The following GPM6A variants were observed in gnomAD, a reference collection of about 807,000 sequenced individuals.
GPM6A encodes glycoprotein M6A, also known as neuronal membrane glycoprotein M6-a.
A neutral mutation model predicts 32.1 loss-of-function variants in GPM6A; 7 were observed. The observed-to-expected ratio is 0.22, with a 90% confidence interval of 0.12 to 0.41. The LOEUF (loss-of-function observed/expected upper bound fraction) is 0.41, where lower values mean the gene tolerates loss of function less well. GPM6A is among the 10% of genes least tolerant of loss of function. GPM6A has a pLI of 1.00. For missense variants in GPM6A, 235 were observed against 347.2 expected, an observed-to-expected ratio of 0.68 and a Z score of 2.57; for synonymous variants, 130 against 123.4, an observed-to-expected ratio of 1.05 and a Z score of -0.35.
At chr4:175,833,732 A>C (rs1735683683) in intron 1 of GPM6A, among the ~76,000 whole-genome samples, 3 of 152,088 alleles carry the variant, frequency 2.0e-5, no homozygotes, top group African/African-American at 7.2e-5. Context: ...AGTCATCTGA[A>C]CTTTTCTGCC....
rs373441483 is a variant in GPM6A, at chr4:175,885,393, C to T, written c.-22-73144G>A. 2.4e-3 allele frequency among the ~76,000 whole-genome samples: 363 copies of T among 152,290 alleles called. 18 individuals are homozygous for T. In the South Asian group the frequency reaches 0.072, roughly 30 times the overall value. On this transcript the variant is annotated intron_variant, in intron 1 of 7. Transcript: ENST00000280187. ...TGGGCTGGGATGTCTATGAGGGACA[C>T]CTCTTGCTGGATGATCTCTTGAGCC...
At chr4:175,941,337 T>TA (rs763067554) in intron 1 of GPM6A, among the ~76,000 whole-genome samples, 21 of 152,088 alleles carry the variant, frequency 1.4e-4, no homozygotes, top group African/African-American at 4.8e-4. Context: ...CTTCATCTTT[T>TA]AAAAAAAATT....
chr4:175,848,762 A>T (rs1299966268), intron 1 of GPM6A, among the ~76,000 whole-genome samples: 2 of 152,212 alleles, frequency 1.3e-5, no homozygotes, highest in Admixed American at 1.3e-4. Flanking sequence ...TTTTTAGTAC[A>T]CAATAATAAA....
At chr4:175,674,369 G>A (rs1189323858) in intron 2 of GPM6A, among the ~76,000 whole-genome samples, 5 of 152,196 alleles carry the variant, frequency 3.3e-5, no homozygotes, top group South Asian at 4.1e-4. Flanking sequence ...AAGAGGCAGG[G>A]TTTCACCATG....
intron 1 of GPM6A, among the ~76,000 whole-genome samples, chr4:175,745,093 A>C (rs1398352012): frequency 2.1e-5 from 2 of 93,720 alleles, no homozygotes; most frequent in African/African-American, 6.7e-5. Flanking sequence ...TGAAGATAAG[A>C]AAGAAATACT....
chr4:175,644,223 A>G (rs1326172163), intron 4 of GPM6A, among the ~76,000 whole-genome samples: 1 of 142,396 alleles, frequency 7.0e-6, no homozygotes, highest in Non-Finnish European at 1.5e-5. Flanking sequence ...TCCCGGGTTC[A>G]CGCCATTCTC....
chr4:175,724,299 C>T (rs1188453685), intron 1 of GPM6A, among the ~76,000 whole-genome samples: 2 of 152,220 alleles, frequency 1.3e-5, no homozygotes, highest in Non-Finnish European at 2.9e-5. Context: ...AATCCCAGCA[C>T]TTTGGGAGGC....
rs1487692853 is a variant in GPM6A, at chr4:175,853,228, A to G, written c.-22-40979T>C. Among the ~76,000 whole-genome samples the G allele has an allele frequency of 2.0e-5, 3 of 152,128 alleles. No homozygotes were observed. The East Asian group carries it at 5.8e-4, about 29-fold the overall frequency. On this transcript the variant is annotated intron_variant, in intron 1 of 7. Transcript: ENST00000280187. ...TTTGCTGCTTCTATCCTTAATAACT[A>G]ATACATATTTAGAGTGATTATTTCA...
chr4:175,741,262 C>T (rs534907321), intron 1 of GPM6A, among the ~76,000 whole-genome samples: 4 of 152,108 alleles, frequency 2.6e-5, no homozygotes, highest in African/African-American at 9.6e-5. Context: ...TCCCTAGTTA[C>T]TAGGCTCTGT....
At chr4:175,981,248 C>A (rs2126442430) in intron 1 of GPM6A, among the ~76,000 whole-genome samples, 1 of 152,248 alleles carries the variant, frequency 6.6e-6, no homozygotes, top group East Asian at 1.9e-4. Flanking sequence ...TATCAGATTT[C>A]ATCTGGCTTT....
intron 1 of GPM6A, among the ~76,000 whole-genome samples, chr4:175,752,674 A>C (rs1732382144): frequency 6.6e-6 from 1 of 152,134 alleles, no homozygotes; most frequent in Non-Finnish European, 1.5e-5. Context: ...ACCAGCCTTT[A>C]TTTCTATCTT....
chr4:175,766,642 C>T (rs181413945), intron 1 of GPM6A, among the ~76,000 whole-genome samples: 38 of 151,222 alleles, frequency 2.5e-4, no homozygotes, highest in Non-Finnish European at 1.2e-4. Flanking sequence ...AGATCAGTGC[C>T]TCCACTTACT....
At chr4:175,709,588 C>T (rs1342170135) in intron 1 of GPM6A, among the ~76,000 whole-genome samples, 9 of 151,764 alleles carry the variant, frequency 5.9e-5, no homozygotes, top group Non-Finnish European at 1.2e-4. Flanking sequence ...ATTAGCCGAG[C>T]GTGGTGGCGC....
chr4:175,810,360 ATACATT>A (rs1443595713), intron 1 of GPM6A, among the ~76,000 whole-genome samples: 3 of 152,204 alleles, frequency 2.0e-5, no homozygotes, highest in Admixed American at 1.3e-4. Context: ...TTGTATTCAT[ATACATT>A]TACAAACTGA....
At chr4:175,954,082 T>C (rs891549110) in intron 1 of GPM6A, among the ~76,000 whole-genome samples, 1 of 152,198 alleles carries the variant, frequency 6.6e-6, no homozygotes, top group Admixed American at 6.5e-5. Context: ...TGGCCCGCTC[T>C]ATACCTTGAC....
chr4:175,909,130 T>C, intron 1 of GPM6A, among the ~76,000 whole-genome samples: 1 of 149,844 alleles, frequency 6.7e-6, no homozygotes, highest in East Asian at 2.0e-4. Flanking sequence ...ATGCTGTTAA[T>C]ACAAGTTCTT....
intron 1 of GPM6A, among the ~76,000 whole-genome samples, chr4:175,751,754 T>TG (rs568643786): frequency 0.016 from 2,386 of 152,090 alleles, 35 homozygotes; most frequent in South Asian, 0.036. Context: ...TGTTTTTTTT[T>TG]TTGTTGTTGT....
chr4:175,929,433 T>C (rs1435055482), intron 1 of GPM6A, among the ~76,000 whole-genome samples: 2 of 152,200 alleles, frequency 1.3e-5, no homozygotes, highest in Non-Finnish European at 2.9e-5. Context: ...GAAGAATACA[T>C]TCCCACTGGT....
At chr4:175,651,322 T>G (rs547063184) in intron 4 of GPM6A, among the ~76,000 whole-genome samples, 1 of 151,898 alleles carries the variant, frequency 6.6e-6, no homozygotes, top group East Asian at 1.9e-4. Flanking sequence ...ATTTTAGCCC[T>G]AAATGAAAAT....
Sources: allele counts gnomAD v4.1 joint callset (sites outside exome capture counted in the v4.1 genomes callset), GRCh38; gene constraint gnomAD v4.1.1; transcripts MANE v1.5; gene names NCBI Gene and HGNC (gene_info 2026-07-23, HGNC 2026-07-21).